GREB1L: variants seen among roughly 807,000 people sequenced by gnomAD.
GREB1L encodes GREB1-like protein.
A neutral mutation model predicts 200.8 loss-of-function variants in GREB1L; 17 were observed. The observed-to-expected ratio is 0.08, with a 90% CI of 0.06 to 0.13. The LOEUF (loss-of-function observed/expected upper bound fraction) is 0.13, where lower values mean the gene tolerates loss of function less well. Ranked by LOEUF, GREB1L falls within the 10% of genes least tolerant of loss-of-function variation. GREB1L has a pLI of 1.00. For synonymous variants in GREB1L, 789 were observed against 893.0 expected (o/e 0.88, Z 2.08); for missense variants, 1,657 against 2,367.7 (o/e 0.70, Z 6.23).
At chr18:21,497,782 G>A (rs2036603259) in intron 21 of GREB1L, among the ~76,000 whole-genome samples, 1 of 150,540 alleles carries the variant, frequency 6.6e-6, no homozygotes, top group Admixed American at 6.6e-5. Flanking sequence ...CTTAATGTTG[G>A]GTCACATGCC....
In GREB1L at chr18:21,383,364, G is replaced by A; in HGVS notation, c.-9-146G>A. ...TGATAACAAGTAACTTACACAAGCTGTCTTAAGATCTCTGGGTAGTTCATA... is the reference window on the plus strand; with the variant it reads ...TGATAACAAGTAACTTACACAAGCTATCTTAAGATCTCTGGGTAGTTCATA... On this transcript the variant is annotated intron_variant, in intron 2 of 32. Coordinates refer to ENST00000424526, the MANE Select transcript of GREB1L (RefSeq NM_001142966.3). The A allele has an allele frequency of 4.9e-6, 3 of 617,916 alleles. 1 individual carries two copies. The South Asian group carries it at 8.6e-5, about 18-fold the overall frequency. 38.3% of individuals were successfully genotyped at this position (617,916 alleles called of 1,614,324 possible).
At chr18:21,365,796 CT>C (rs2039664647) in intron 1 of GREB1L, among the ~76,000 whole-genome samples, 1 of 151,946 alleles carries the variant, frequency 6.6e-6, no homozygotes. Flanking sequence ...CAGAAATTAT[CT>C]TTGAGTATAT....
At chr18:21,331,645 C>T (rs1275737857) in intron 1 of GREB1L, among the ~76,000 whole-genome samples, 1 of 152,160 alleles carries the variant, frequency 6.6e-6, no homozygotes, top group East Asian at 1.9e-4. Flanking sequence ...CCTCCTGTTC[C>T]TCATGCAGAT....
intron 15 of GREB1L, among the ~76,000 whole-genome samples, chr18:21,462,396 A>G (rs2035081348): frequency 6.6e-6 from 1 of 152,246 alleles, no homozygotes. Flanking sequence ...AAAACAAAGC[A>G]TGAAAGTTAA....
chr18:21,277,224 G>GGCCCA (rs764013170), intron 1 of GREB1L, among the ~76,000 whole-genome samples: 33 of 151,832 alleles, frequency 2.2e-4, no homozygotes, highest in Non-Finnish European at 3.8e-4. Context: ...CACCGTGCCC[G>GGCCCA]GCCCAGCCCA....
In GREB1L at chr18:21,242,789, C is replaced by G. The variant is rs555492381; in HGVS notation, c.-120+396C>G. Among the ~76,000 whole-genome samples, 59 of 152,230 alleles carry G rather than the reference C, an allele frequency of 3.9e-4. No homozygotes were observed. The South Asian group carries it at 0.012, about 31-fold the overall frequency. On this transcript the variant is annotated intron_variant, in intron 1 of 32. Coordinates refer to ENST00000424526, the MANE Select transcript of GREB1L (RefSeq NM_001142966.3). ...TGCGGCGCGCCGAGTAGCGCGGGGT[C>G]CCCCGGCGGAGGCGGCGAGGGGGCA...
At chr18:21,458,971 C>T (rs2145529625) in intron 15 of GREB1L, among the ~76,000 whole-genome samples, 1 of 151,990 alleles carries the variant, frequency 6.6e-6, no homozygotes, top group Middle Eastern at 3.4e-3. Context: ...GAGAGAAGTA[C>T]AGGAAGTGAC....
chr18:21,313,043 T>A (rs1280464957), intron 1 of GREB1L, among the ~76,000 whole-genome samples: 1 of 152,216 alleles, frequency 6.6e-6, no homozygotes, highest in Non-Finnish European at 1.5e-5. Context: ...ATGCTGGATA[T>A]TAGACCTTTG....
chr18:21,513,737 A>C, intron 27 of GREB1L, 84 bp from the exon 28 acceptor site: 1 of 1,281,568 alleles, frequency 7.8e-7, no homozygotes, highest in Non-Finnish European at 1.1e-6. Flanking sequence ...CATTCTGTGG[A>C]GAGAATATAG....
chr18:21,371,526 G>T (rs1598707611), intron 2 of GREB1L, among the ~76,000 whole-genome samples: 2 of 148,550 alleles, frequency 1.3e-5, no homozygotes, highest in Admixed American at 1.4e-4. Context: ...GGTGGCTCAT[G>T]CCTGTAATCC....
chr18:21,383,992 G>C (rs2040432674), intron 3 of GREB1L, among the ~76,000 whole-genome samples: 1 of 152,128 alleles, frequency 6.6e-6, no homozygotes, highest in South Asian at 2.1e-4. Flanking sequence ...GGGATTACAG[G>C]CATGAGCCAC....
intron 15 of GREB1L, among the ~76,000 whole-genome samples, chr18:21,457,676 CA>C (rs1220305810): frequency 6.6e-6 from 1 of 151,892 alleles, no homozygotes; most frequent in East Asian, 1.9e-4. Flanking sequence ...ATCATAATTA[CA>C]AAAAAAGTAT....
chr18:21,439,472 T>C, intron 7 of GREB1L, 49 bp from the exon 8 acceptor site: 1 of 1,122,362 alleles, frequency 8.9e-7, no homozygotes. Flanking sequence ...CAGAAAGCAG[T>C]GCCCCGCCCA....
intron 7 of GREB1L, among the ~76,000 whole-genome samples, chr18:21,424,068 T>G (rs963159003): frequency 2.6e-5 from 4 of 152,142 alleles, no homozygotes; most frequent in African/African-American, 9.7e-5. Context: ...CCCAGGAGTC[T>G]GAGCTCATGC....
rs368306919 is a variant in GREB1L at position 21,509,003 on chromosome 18, T to G, written c.4735+412T>G. On this transcript the variant is annotated intron_variant, in intron 27 of 32. Coordinates refer to ENST00000424526, the MANE Select transcript of GREB1L (RefSeq NM_001142966.3). Reference sequence around the variant, plus strand: ...AGAGGGGCCCCTAGGTCATCTCATCTTTAAGGCACGTAGCAAGTTATAGGG... The same window carrying G: ...AGAGGGGCCCCTAGGTCATCTCATCGTTAAGGCACGTAGCAAGTTATAGGG... Among the ~76,000 whole-genome samples the G allele has an allele frequency of 8.5e-5, 13 of 152,318 alleles. 1 individual carries two copies. The highest frequency in any genetic ancestry group is 5.2e-4 in the Admixed American group (8 of 15,308).
At chr18:21,393,051 C>T (rs77318177) in intron 4 of GREB1L, among the ~76,000 whole-genome samples, 1,861 of 152,230 alleles carry the variant, frequency 0.012, 41 homozygotes, top group African/African-American at 0.042. Context: ...GGATTACAGG[C>T]GTGAGCCACT....
chr18:21,303,273 C>T (rs1448573130), intron 1 of GREB1L, among the ~76,000 whole-genome samples: 1 of 152,154 alleles, frequency 6.6e-6, no homozygotes, highest in East Asian at 1.9e-4. Context: ...TGTATTTTCA[C>T]CCTCTGGGTG....
At chr18:21,409,930 G>A (rs891665136) in intron 7 of GREB1L, among the ~76,000 whole-genome samples, 6 of 152,004 alleles carry the variant, frequency 3.9e-5, no homozygotes, top group South Asian at 2.1e-4. Flanking sequence ...TCTCTTATAC[G>A]CTAGAAGCTT....
intron 1 of GREB1L, among the ~76,000 whole-genome samples, chr18:21,329,731 C>A (rs2039078977): frequency 6.6e-6 from 1 of 151,968 alleles, no homozygotes; most frequent in Non-Finnish European, 1.5e-5. Flanking sequence ...AGGATTGGTC[C>A]CCCTTCCCCA....
Sources: allele counts gnomAD v4.1 joint callset (sites outside exome capture counted in the v4.1 genomes callset), GRCh38; gene constraint gnomAD v4.1.1; transcripts MANE v1.5; gene names NCBI Gene and HGNC (gene_info 2026-07-23, HGNC 2026-07-21).